OR51A7: variants seen among roughly 807,000 people sequenced by gnomAD.
The protein encoded by OR51A7 is olfactory receptor family 51 subfamily A member 7.
For synonymous variants in OR51A7, 143 were observed against 135.5 expected, an observed-to-expected ratio of 1.05 and a Z score of -0.38; for missense variants, 409 against 374.5, an observed-to-expected ratio of 1.09 and a Z score of -0.76.
intron 1 of OR51A7, among the ~76,000 whole-genome samples, chr11:4,904,936 G>GGTA (rs1850860492): frequency 1.3e-5 from 2 of 152,094 alleles, no homozygotes; most frequent in Admixed American, 6.5e-5. Context: ...CAATGTGCAT[G>GGTA]GTAGTAATGG....
rs199892939 is a variant in OR51A7, at chr11:4,908,248, A to G, written c.879A>G (p.Val293=). The part of the protein sequence containing the change: ...PPLMNPIVYC[V]KTRQIWEKIL... The stretch of plus-strand genomic sequence containing the variant: ...TTATGAACCCCATTGTGTACTGTGT[A>G]AAGACTCGACAAATCTGGGAGAAGA... The change falls in exon 2 of 2, where the codon GTA becomes GTG. Residue 293 remains valine, a synonymous_variant. Coordinates refer to ENST00000641490, the MANE Select transcript of OR51A7 (RefSeq NM_001004749.2). 3 of 1,614,132 alleles carry G rather than the reference A, an allele frequency of 1.9e-6. No individual in the cohort carries two copies. The African/African-American group carries it at 4.0e-5, about 22-fold the overall frequency.
At chr11:4,906,880 AG>A (rs1453539772) in intron 1 of OR51A7, among the ~76,000 whole-genome samples, 1 of 152,036 alleles carries the variant, frequency 6.6e-6, no homozygotes, top group East Asian at 1.9e-4. Context: ...CACCTGTGTC[AG>A]GAGTTCAAGA....
chr11:4,907,641 G>A lies in OR51A7; in HGVS notation c.272G>A (p.Gly91Glu). Residue 91 changes from glycine (G) to glutamate (E), a missense_variant, in exon 2 of 2, where the codon GGA becomes GAA. Physicochemically the swap from Gly to Glu is moderately conservative, Grantham distance 98. Coordinates refer to ENST00000641490, the MANE Select transcript of OR51A7 (RefSeq NM_001004749.2). ...AGGGTCTTCTTGTTCAATGCCATGG[G>A]AATTTCACCTAATGCCTGCTTTGCT... ...MLRVFLFNAM[G>E]ISPNACFAQE... 1 of 1,613,980 alleles carries A rather than the reference G, an allele frequency of 6.2e-7. No homozygotes were observed. The highest frequency in any genetic ancestry group is 8.5e-7 in the Non-Finnish European group (1 of 1,179,980).
chr11:4,907,919 A>T lies in OR51A7; in HGVS notation c.550A>T (p.Thr184Ser), dbSNP rs779843299. 1 of 1,614,106 alleles carries T rather than the reference A, an allele frequency of 6.2e-7. No homozygotes were observed. Residue 184 changes from threonine (T) to serine (S), a missense_variant, in exon 2 of 2, where the codon ACC (threonine) becomes TCC (serine). Physicochemically the swap from Thr to Ser is moderately conservative, Grantham distance 58 (BLOSUM62 1). Coordinates refer to ENST00000641490, the MANE Select transcript of OR51A7 (RefSeq NM_001004749.2). Reference sequence around the variant, plus strand: ...TCACTCATACTGTCTTCATCAGGATACCATGAAGCTGGCCTGCTCTGACAA... The same window carrying T: ...TCACTCATACTGTCTTCATCAGGATTCCATGAAGCTGGCCTGCTCTGACAA... ...LSHSYCLHQD[T>S]MKLACSDNKT...
In OR51A7 at chr11:4,907,860, G is replaced by T. The variant is rs1039683343; in HGVS notation, c.491G>T (p.Arg164Met). 9.9e-6 allele frequency: 16 copies of T among 1,613,860 alleles called. No homozygotes were observed. The highest frequency in any genetic ancestry group is 1.4e-5 in the Non-Finnish European group (16 of 1,179,974). Residue 164 changes from arginine to methionine, a missense_variant, in exon 2 of 2, where the codon AGG becomes ATG. Transcript: ENST00000641490. ...LLVIPFPFTL[R>M]RLKYCQKNLL... Reference sequence around the variant, plus strand: ...GTGATTCCATTTCCCTTCACCTTAAGGAGATTAAAATATTGTCAAAAGAAT... The same window carrying T: ...GTGATTCCATTTCCCTTCACCTTAATGAGATTAAAATATTGTCAAAAGAAT...
At chr11:4,906,635 T>C (rs1374154284) in intron 1 of OR51A7, among the ~76,000 whole-genome samples, 2 of 152,218 alleles carry the variant, frequency 1.3e-5, no homozygotes, top group Non-Finnish European at 2.9e-5. Flanking sequence ...TCTTAGACTA[T>C]TTCTTTCAAA....
intron 1 of OR51A7, 93 bp downstream of exon 1, chr11:4,903,937 A>T (rs7118691): frequency 1.5e-3 from 232 of 151,936 alleles, no homozygotes; most frequent in African/African-American, 5.1e-3. Flanking sequence ...TGAATATATT[A>T]TGCCCTGACG....
intron 1 of OR51A7, among the ~76,000 whole-genome samples, chr11:4,906,757 C>A (rs1850896217): frequency 6.6e-6 from 1 of 152,082 alleles, no homozygotes; most frequent in Non-Finnish European, 1.5e-5. Context: ...TGATTCAAAG[C>A]AGCTCCATTT....
In OR51A7 at chr11:4,908,363, G is replaced by A. The variant is rs1281673618; in HGVS notation, c.*55G>A. 1.4e-6 allele frequency: 2 copies of A among 1,443,082 alleles called. No homozygotes were observed. The allele number at this position is 1,443,082 out of a possible 1,614,324, so 89.4% of individuals were successfully genotyped here. On this transcript the variant is annotated 3_prime_UTR_variant, in exon 2 of 2. Transcript: ENST00000641490. ...AACCAGTAGGCATTTACTGTCATTT[G>A]CTATGTGCTTAATGCCATAGAAGTC... is the stretch of plus-strand genomic sequence containing the variant.
rs1850944977 is a variant in OR51A7, at chr11:4,908,669, A to T, written c.*361A>T. 1 of 311,426 alleles carries T rather than the reference A, an allele frequency of 3.2e-6. No homozygotes were observed. The highest frequency in any genetic ancestry group is 6.1e-6 in the Non-Finnish European group (1 of 162,940). 19.3% of individuals were successfully genotyped at this position (311,426 alleles called of 1,614,324 possible). A position where few individuals can be genotyped will look rare whatever the true frequency, so the allele number is the denominator to read the frequency against. On this transcript the variant is annotated 3_prime_UTR_variant, in exon 2 of 2. Coordinates refer to ENST00000641490, the MANE Select transcript of OR51A7 (RefSeq NM_001004749.2). ...GATGATATACAAAGTCTAATCTCAT[A>T]CTGTCAAGGAAAGGTAAAATAGCTA...
At chr11:4,904,270 A>G (rs10836931) in intron 1 of OR51A7, among the ~76,000 whole-genome samples, 16,243 of 152,092 alleles carry the variant, frequency 0.11, 1,488 homozygotes, top group East Asian at 0.56. Flanking sequence ...GCTTTCCCAG[A>G]TTCACACAGG....
At position 4,906,390 on chromosome 11, in the gene OR51A7, C is replaced by T. The variant is rs576574783; in HGVS notation, c.-31-949C>T. 8.9e-4 allele frequency among the ~76,000 whole-genome samples: 136 copies of T among 152,160 alleles called. 1 individual carries two copies. The highest frequency in any genetic ancestry group is 2.0e-3 in the African/African-American group (82 of 41,522). ...TATTCATTTTACAGATTTAAAATAA[C>T]GCCCAAATAAGTTAAATAATTTAAA... On this transcript the variant is annotated intron_variant, in intron 1 of 1. Transcript: ENST00000641490.
chr11:4,907,884 ATCT>A lies in OR51A7; in HGVS notation c.520_522del (p.Leu174del). On this transcript the variant is annotated inframe_deletion, in exon 2 of 2. Coordinates refer to ENST00000641490, the MANE Select transcript of OR51A7 (RefSeq NM_001004749.2). ...AGGAGATTAAAATATTGTCAAAAGA[ATCT>A]TCTTTCTCACTCATACTGTCTTCAT... 1 of 1,614,074 alleles carries A rather than the reference ATCT, an allele frequency of 6.2e-7. No individual in the cohort carries two copies. The highest frequency in any genetic ancestry group is 8.5e-7 in the Non-Finnish European group (1 of 1,180,028).
chr11:4,904,261 C>T (rs1850848678), intron 1 of OR51A7, among the ~76,000 whole-genome samples: 1 of 152,076 alleles, frequency 6.6e-6, no homozygotes, highest in African/African-American at 2.4e-5. Flanking sequence ...GCTTAAGCAG[C>T]TTTCCCAGAT....
At chr11:4,907,063 T>G (rs942032600) in intron 1 of OR51A7, among the ~76,000 whole-genome samples, 1 of 94,882 alleles carries the variant, frequency 1.1e-5, no homozygotes, top group Non-Finnish European at 2.0e-5. Flanking sequence ...ACCATTGCAC[T>G]CCAGCCTGGG....
Position 4,907,618 on chromosome 11 carries a change from G to A in OR51A7, c.249G>A (p.Arg83=), listed in dbSNP as rs772935143. Residue 83 remains arginine, a synonymous_variant, in exon 2 of 2, where the codon AGG becomes AGA. Transcript: ENST00000641490. ...LSLSSLPTML[R]VFLFNAMGIS... ...TCTCCTCCCTTCCTACCATGTTGAG[G>A]GTCTTCTTGTTCAATGCCATGGGAA... The A allele has an allele frequency of 6.2e-7, 1 of 1,613,932 alleles. No homozygotes were observed. Among genetic ancestry groups the A allele is most frequent in the Non-Finnish European group, 8.5e-7 (1 of 1,179,942 alleles).
chr11:4,904,425 CA>C (rs1850851987), intron 1 of OR51A7, among the ~76,000 whole-genome samples: 1 of 152,140 alleles, frequency 6.6e-6, no homozygotes, highest in Admixed American at 6.5e-5. Context: ...CTTCTTTTGG[CA>C]TCTACTATAT....
At chr11:4,905,970 T>C in intron 1 of OR51A7, among the ~76,000 whole-genome samples, 1 of 152,180 alleles carries the variant, frequency 6.6e-6, no homozygotes. Flanking sequence ...TAGCATTTAT[T>C]TGACTAAATA....
Position 4,907,567 on chromosome 11 carries a change from G to A in OR51A7, c.198G>A (p.Leu66=), listed in dbSNP as rs1049660650. The A allele has an allele frequency of 4.3e-6, 7 of 1,613,804 alleles. No individual in the cohort carries two copies. In the African/African-American group the frequency reaches 6.7e-5, roughly 15 times the overall value. The part of the protein sequence containing the change: ...HEPMYYFLAM[L]AVSDMGLSLS... ...CCATGTATTATTTCCTTGCCATGTT[G>A]GCTGTCTCTGACATGGGCCTGTCCC... The change falls in exon 2 of 2, where the codon TTG becomes TTA. Residue 66 remains leucine, a synonymous_variant. Transcript: ENST00000641490.
Sources: gnomAD v4.1 joint callset for allele counts (sites outside exome capture counted in the v4.1 genomes callset) on GRCh38, gnomAD v4.1.1 for gene constraint, MANE v1.5 for transcripts, NCBI Gene and HGNC (gene_info 2026-07-23, HGNC 2026-07-21) for gene names.